The following MED16 variants were observed in gnomAD, a reference collection of about 807,000 sequenced individuals.
MED16 encodes the protein mediator complex subunit 16, also known as mediator of RNA polymerase II transcription subunit 16.
A neutral mutation model predicts 84.4 loss-of-function variants in MED16; 81 were observed. The observed-to-expected ratio is 0.96, with a 90% confidence interval of 0.80 to 1.15. The LOEUF is 1.15. Ranked by LOEUF, MED16 falls within the 50% of genes most tolerant of loss-of-function variation. The pLI is 0.00. For synonymous variants in MED16, 897 were observed against 552.2 expected (o/e 1.62, Z -8.76); for missense variants, 1,585 against 1,245.9 (o/e 1.27, Z -4.10).
chr19:868,318 C>T (rs1285535481), intron 15 of MED16, 67 bp from the exon 16 acceptor site: 11 of 1,579,332 alleles, frequency 7.0e-6, no homozygotes, highest in Non-Finnish European at 9.4e-6. Context: ...CTTGCAGCAG[C>T]CGGGCTCAGG....
At position 877,226 on chromosome 19, in the gene MED16, G is replaced by A. The variant is rs780508070; in HGVS notation, c.1354-46C>T. 43 of 1,552,424 alleles carry A rather than the reference G, an allele frequency of 2.8e-5. No individual in the cohort carries two copies. The East Asian group carries it at 4.7e-4, about 17-fold the overall frequency. The stretch of plus-strand genomic sequence containing the variant: ...GGAGAGCCCGGTGAGATGGGGCTGC[G>A]CCCTCAGCCGGGAGAGGAATGGGGC... On this transcript the variant is annotated intron_variant, in intron 8 of 15. Transcript: ENST00000325464.
intron 6 of MED16, among the ~76,000 whole-genome samples, chr19:884,354 T>C (rs530500263): frequency 1.3e-5 from 2 of 150,570 alleles, no homozygotes; most frequent in South Asian, 4.2e-4. Flanking sequence ...GCTCCGTGGG[T>C]GCGGGGGGCC....
chr19:884,894 G>T lies in MED16; in HGVS notation c.985+9C>A. ...GGCCCAGGGCCTCCGCAGCCGGCGG[G>T]AGACTCACCCACGGGGGAGATCTGC... On this transcript the variant is annotated intron_variant, in intron 6 of 15. Transcript: ENST00000325464. 6.3e-7 allele frequency: 1 copy of T among 1,599,852 alleles called. No homozygotes were observed.
chr19:868,143 G>A lies in MED16; in HGVS notation c.2592C>T (p.Thr864=). The A allele has an allele frequency of 6.2e-7, 1 of 1,611,840 alleles. No individual in the cohort carries two copies. Among genetic ancestry groups the A allele is most frequent in the Non-Finnish European group, 8.5e-7 (1 of 1,179,610 alleles). ...GATGCAGATGGTCCAGGGATCTGGGGGTCCTGGGAGAGTGGTGTGTGGACT... is the reference window on the plus strand; with the variant it reads ...GATGCAGATGGTCCAGGGATCTGGGAGTCCTGGGAGAGTGGTGTGTGGACT... The part of the protein sequence containing the change: ...GPQSTHHSPR[T]PRSLDHLHPE... The change falls in exon 16 of 16, where the codon ACC becomes ACT. Residue 864 remains threonine, a synonymous_variant. Transcript: ENST00000325464.
intron 4 of MED16, among the ~76,000 whole-genome samples, chr19:889,398 G>A (rs1263704694): frequency 6.6e-6 from 1 of 152,146 alleles, no homozygotes; most frequent in Non-Finnish European, 1.5e-5. Context: ...AGGGGCCACT[G>A]AACACGCAGG....
intron 3 of MED16, 71 bp downstream of exon 3, chr19:890,066 G>T: frequency 8.1e-7 from 1 of 1,230,028 alleles, no homozygotes; most frequent in Non-Finnish European, 1.1e-6. Flanking sequence ...CAGACTGACC[G>T]GAGAAACACA....
chr19:875,576 T>G, intron 9 of MED16, 122 bp from the exon 10 acceptor site: 1 of 744,934 alleles, frequency 1.3e-6, no homozygotes, highest in East Asian at 2.7e-5. Flanking sequence ...GCAAGCTGCT[T>G]CGCCTCTGCA....
chr19:873,620 T>C lies in MED16; in HGVS notation c.1772-38A>G, dbSNP rs1255784246. ...GTGGGTCGGGTCAGCTCGGGCCTCT[T>C]GTACACACAGGGTGACCTAACTGCA... On this transcript the variant is annotated intron_variant, in intron 10 of 15. Coordinates refer to ENST00000325464, the MANE Select transcript of MED16 (RefSeq NM_005481.3). The C allele has an allele frequency of 3.1e-6, 5 of 1,608,380 alleles. No individual in the cohort carries two copies. In the East Asian group the frequency reaches 8.9e-5, roughly 29 times the overall value.
In MED16 at chr19:874,862, C is replaced by T. The variant is rs1266537839; in HGVS notation, c.1771+382G>A. Reference sequence around the variant, plus strand: ...TGCAACCTGGATGACACAGTGAGACCGTCTCTAAAAGCCTGGGTGTGGTGT... The same window carrying T: ...TGCAACCTGGATGACACAGTGAGACTGTCTCTAAAAGCCTGGGTGTGGTGT... On this transcript the variant is annotated intron_variant, in intron 10 of 15. Coordinates refer to ENST00000325464, the MANE Select transcript of MED16 (RefSeq NM_005481.3). Among the ~76,000 whole-genome samples, 16 of 152,108 alleles carry T rather than the reference C, an allele frequency of 1.1e-4. No homozygotes were observed. In the East Asian group the frequency reaches 2.1e-3, roughly 20 times the overall value.
At chr19:886,239 G>A in intron 4 of MED16, 38 bp from the exon 5 acceptor site, 2 of 1,465,250 alleles carry the variant, frequency 1.4e-6, no homozygotes, top group Non-Finnish European at 1.8e-6. Context: ...GGCCGCTCAG[G>A]CTCATGGGGG....
intron 4 of MED16, among the ~76,000 whole-genome samples, chr19:888,333 C>T (rs546957119): frequency 6.6e-6 from 1 of 151,768 alleles, no homozygotes; most frequent in Non-Finnish European, 1.5e-5. Context: ...ACCAGCCTGG[C>T]CAACATGGTG....
In MED16 at chr19:877,046, C is replaced by T. The variant is rs1392957521; in HGVS notation, c.1488G>A (p.Gln496=). Residue 496 remains glutamine, a synonymous_variant, in exon 9 of 16, where the codon CAG becomes CAA. Transcript: ENST00000325464. ...CCACCAGGCTCTGTACCATACTGGG[C>T]TGCACGTGCAGCAGGATGTCCCACC... is the stretch of plus-strand genomic sequence containing the variant. The part of the protein sequence containing the change: ...YDWWDILLHV[Q]PSMVQSLVEK... 3.7e-6 allele frequency: 6 copies of T among 1,612,498 alleles called. No homozygotes were observed. In the Admixed American group the frequency reaches 5.0e-5, roughly 13 times the overall value.
intron 6 of MED16, among the ~76,000 whole-genome samples, chr19:883,366 C>A (rs1328953676): frequency 1.5e-5 from 2 of 131,894 alleles, no homozygotes; most frequent in African/African-American, 6.1e-5. Context: ...ACGGTGGGCA[C>A]GTGGGGTGGT....
chr19:872,661 G>A (rs1291255352), intron 11 of MED16, among the ~76,000 whole-genome samples: 1 of 151,654 alleles, frequency 6.6e-6, no homozygotes, highest in Admixed American at 6.6e-5. Context: ...GCGGGGGGGT[G>A]GGGGCGAGGT....
intron 4 of MED16, among the ~76,000 whole-genome samples, chr19:887,828 G>A (rs1175229685): frequency 1.3e-5 from 2 of 152,032 alleles, no homozygotes; most frequent in African/African-American, 4.8e-5. Flanking sequence ...GATCCAGAGA[G>A]ACAACTGGGT....
At chr19:868,275 C>A in intron 15 of MED16, 24 bp from the exon 16 acceptor site, 3 of 1,589,152 alleles carry the variant, frequency 1.9e-6, no homozygotes, top group Non-Finnish European at 1.7e-6. Context: ...TGAGGTTAAC[C>A]GCGCCGAGGA....
rs768610500 is a variant in MED16, at chr19:885,900, C to T, written c.749G>A (p.Ser250Asn). The T allele has an allele frequency of 4.3e-6, 7 of 1,613,638 alleles. No individual in the cohort carries two copies. In the Admixed American group the frequency reaches 6.7e-5, roughly 15 times the overall value. ...CTCCGTGTCGATACGGCACTTCTCG[C>T]TCACCACGCTCACGCACACCTTGTA... ...QFYKVCVSVV[S>N]EKCRIDTEIL... Residue 250 changes from serine to asparagine, a missense_variant, in exon 5 of 16, where the codon AGC becomes AAC. Physicochemically the swap from Ser to Asn is conservative, Grantham distance 46. Transcript: ENST00000325464.
chr19:875,303 G>A lies in MED16; in HGVS notation c.1712C>T (p.Thr571Met), dbSNP rs770160006. 36 of 1,610,940 alleles carry A rather than the reference G, an allele frequency of 2.2e-5. No homozygotes were observed. The highest frequency in any genetic ancestry group is 1.6e-4 in the Middle Eastern group (1 of 6,072). Reference sequence around the variant, plus strand: ...CCGGTCGCCGGGGCTCTTGTCAGGCGTGTTGAGAAAGTGGGGGCGCAGCAG... The same window carrying A: ...CCGGTCGCCGGGGCTCTTGTCAGGCATGTTGAGAAAGTGGGGGCGCAGCAG... ...KSLLRPHFLN[T>M]PDKSPGDRLT... Residue 571 changes from threonine (T) to methionine (M), a missense_variant, in exon 10 of 16, where the codon ACG (threonine) becomes ATG (methionine). Coordinates refer to ENST00000325464, the MANE Select transcript of MED16 (RefSeq NM_005481.3).
At chr19:887,068 A>G (rs942269924) in intron 4 of MED16, among the ~76,000 whole-genome samples, 1 of 151,830 alleles carries the variant, frequency 6.6e-6, no homozygotes, top group Non-Finnish European at 1.5e-5. Flanking sequence ...AACGAGAGCA[A>G]AACTTTGTCT....
Sources: gnomAD v4.1 joint callset for allele counts (sites outside exome capture counted in the v4.1 genomes callset) on GRCh38, gnomAD v4.1.1 for gene constraint, MANE v1.5 for transcripts, NCBI Gene and HGNC (gene_info 2026-07-23, HGNC 2026-07-21) for gene names.